DIP2C: variants seen among roughly 807,000 people sequenced by gnomAD.
DIP2C encodes the protein disco-interacting protein 2 homolog C.
In DIP2C, 33 loss-of-function variants were observed where a neutral mutation model predicts 192.4. The ratio of observed to expected loss-of-function variants is 0.17; its 90% CI spans 0.13 to 0.23. The LOEUF (loss-of-function observed/expected upper bound fraction) is 0.23, where lower values mean the gene tolerates loss of function less well. Among genes scored for constraint, DIP2C ranks in the 10% least tolerant of loss-of-function variants. The probability of loss-of-function intolerance (pLI) is 1.00; values close to 1 mark genes in which losing one functional copy is unlikely to be tolerated. For synonymous variants in DIP2C, 979 were observed against 864.1 expected, an observed-to-expected ratio of 1.13 and a Z score of -2.33; for missense variants, 1,537 against 2,110.1, an observed-to-expected ratio of 0.73 and a Z score of 5.32.
At chr10:374,580 G>C (rs1378606730) in intron 17 of DIP2C, among the ~76,000 whole-genome samples, 2 of 152,208 alleles carry the variant, frequency 1.3e-5, no homozygotes, top group African/African-American at 4.8e-5. Context: ...TTCAGAATCT[G>C]TGCATCTGAC....
At chr10:383,354 T>C (rs769373394) in intron 16 of DIP2C, among the ~76,000 whole-genome samples, 71 of 152,236 alleles carry the variant, frequency 4.7e-4, no homozygotes, top group Non-Finnish European at 1.9e-4. Flanking sequence ...AACATGAACG[T>C]TGCATGTTTC....
chr10:586,760 G>A (rs1441615458), intron 1 of DIP2C, among the ~76,000 whole-genome samples: 2 of 152,340 alleles, frequency 1.3e-5, no homozygotes, highest in Non-Finnish European at 1.5e-5. Flanking sequence ...TCCAGGGAAC[G>A]TTCTGGATCT....
chr10:339,258 C>T (rs1021165009), intron 29 of DIP2C, among the ~76,000 whole-genome samples: 1 of 151,978 alleles, frequency 6.6e-6, no homozygotes. Context: ...AAAGCAAGTC[C>T]ATTGGGATCT....
chr10:389,025 G>T (rs1371617593), intron 13 of DIP2C, among the ~76,000 whole-genome samples: 4 of 148,636 alleles, frequency 2.7e-5, no homozygotes, highest in Non-Finnish European at 4.5e-5. Context: ...TTCTCTGGGG[G>T]TTCTCTGGGG....
At chr10:541,143 T>G (rs974234145) in intron 1 of DIP2C, among the ~76,000 whole-genome samples, 22 of 148,258 alleles carry the variant, frequency 1.5e-4, no homozygotes, top group South Asian at 2.2e-4. Flanking sequence ...ACCCGATGCT[T>G]GGGAGGCACC....
intron 1 of DIP2C, among the ~76,000 whole-genome samples, chr10:604,273 G>A (rs1852312880): frequency 6.6e-6 from 1 of 152,082 alleles, no homozygotes; most frequent in Non-Finnish European, 1.5e-5. Flanking sequence ...GTAAAAATTG[G>A]CATTGTTTTC....
chr10:633,371 C>G (rs530983773), intron 1 of DIP2C, among the ~76,000 whole-genome samples: 1 of 152,126 alleles, frequency 6.6e-6, no homozygotes, highest in South Asian at 2.1e-4. Flanking sequence ...ATAGAGCAGA[C>G]GGGGGGAGTC....
At position 376,996 on chromosome 10, in the gene DIP2C, A is replaced by G. The variant is rs117552488; in HGVS notation, c.1991+5651T>C. 3.3e-3 allele frequency among the ~76,000 whole-genome samples: 499 copies of G among 152,320 alleles called. 3 individuals carry two copies. In the Middle Eastern group the frequency reaches 0.034, roughly 10 times the overall value. ...ACAATGTAAAAGCAGCCAATATATT[A>G]AGTTATGAGTTGATTTAATGTAATA... On this transcript the variant is annotated intron_variant, in intron 17 of 36. Coordinates refer to ENST00000280886, the MANE Select transcript of DIP2C (RefSeq NM_014974.3).
At chr10:415,712 T>C in intron 7 of DIP2C, 57 bp downstream of exon 7, 1 of 1,583,512 alleles carries the variant, frequency 6.3e-7, no homozygotes, top group Non-Finnish European at 8.6e-7. Context: ...AAAAATATCA[T>C]TGTTTACGGG....
At chr10:447,450 G>A (rs551973685) in intron 3 of DIP2C, among the ~76,000 whole-genome samples, 20 of 149,394 alleles carry the variant, frequency 1.3e-4, no homozygotes, top group African/African-American at 5.0e-4. Context: ...CACACAGTGG[G>A]GCAGCAGGAC....
intron 17 of DIP2C, chr10:369,868 C>T (rs971417036): frequency 1.3e-5 from 18 of 1,371,476 alleles, no homozygotes; most frequent in Admixed American, 2.5e-5. Context: ...CAAGAACACC[C>T]GTAAACTACC....
chr10:380,204 G>T (rs543780570), intron 17 of DIP2C, among the ~76,000 whole-genome samples: 1 of 150,884 alleles, frequency 6.6e-6, no homozygotes, highest in South Asian at 2.1e-4. Context: ...TGCAGAAGAG[G>T]CTCTCCCTGG....
At chr10:650,744 C>T (rs1043637092) in intron 1 of DIP2C, 55 of 646,648 alleles carry the variant, frequency 8.5e-5, no homozygotes, top group African/African-American at 8.5e-4. Flanking sequence ...CTCATGCTCA[C>T]TTCCCTGCAT....
chr10:486,607 A>G, intron 1 of DIP2C, 77 bp from the exon 2 acceptor site: 1 of 1,187,086 alleles, frequency 8.4e-7, no homozygotes, highest in South Asian at 1.7e-5. Context: ...CCAAGAAGAC[A>G]CAGTTATCAC....
intron 3 of DIP2C, among the ~76,000 whole-genome samples, chr10:454,690 A>G (rs931979199): frequency 3.3e-5 from 5 of 151,066 alleles, no homozygotes; most frequent in Non-Finnish European, 7.4e-5. Context: ...TATTGCAATG[A>G]GATACTCAGG....
At chr10:506,795 A>T (rs546133864) in intron 1 of DIP2C, among the ~76,000 whole-genome samples, 35 of 152,208 alleles carry the variant, frequency 2.3e-4, no homozygotes, top group Admixed American at 5.2e-4. Context: ...CCTCACACCC[A>T]GGAAACGAGC....
intron 1 of DIP2C, among the ~76,000 whole-genome samples, chr10:620,456 G>T (rs1325077330): frequency 1.3e-5 from 2 of 152,156 alleles, no homozygotes; most frequent in Non-Finnish European, 2.9e-5. Context: ...ATTCCTAGGG[G>T]GCCTCCTGAG....
chr10:294,816 A>G (rs1374731509), intron 32 of DIP2C, among the ~76,000 whole-genome samples: 1 of 152,164 alleles, frequency 6.6e-6, no homozygotes, highest in Non-Finnish European at 1.5e-5. Flanking sequence ...AAATAAGCAA[A>G]TAGGATTATA....
chr10:408,271 G>A (rs1964951776), intron 9 of DIP2C, among the ~76,000 whole-genome samples: 1 of 150,538 alleles, frequency 6.6e-6, no homozygotes, highest in Admixed American at 6.6e-5. Context: ...GTTTATCTCT[G>A]GGCCCTTTAT....
Sources: allele counts gnomAD v4.1 joint callset (sites outside exome capture counted in the v4.1 genomes callset), GRCh38; gene constraint gnomAD v4.1.1; transcripts MANE v1.5; gene names NCBI Gene and HGNC (gene_info 2026-07-23, HGNC 2026-07-21).